ATXN7: variants seen among roughly 807,000 people sequenced by gnomAD.
ATXN7 encodes the protein ataxin-7.
A neutral mutation model predicts 70.5 loss-of-function variants in ATXN7; 12 were observed. The observed-to-expected ratio is 0.17, with a 90% CI of 0.11 to 0.28. The LOEUF (loss-of-function observed/expected upper bound fraction) is 0.28, where lower values mean the gene tolerates loss of function less well. Ranked by LOEUF, ATXN7 falls within the 10% of genes least tolerant of loss-of-function variation. The probability of loss-of-function intolerance (pLI) is 1.00; values close to 1 mark genes in which losing one functional copy is unlikely to be tolerated. For missense variants in ATXN7, 1,256 were observed against 1,131.7 expected, an observed-to-expected ratio of 1.11 and a Z score of -1.58; for synonymous variants, 498 against 448.7, an observed-to-expected ratio of 1.11 and a Z score of -1.39.
intron 5 of ATXN7, chr3:63,967,646 C>T (rs1007603444): frequency 3.5e-6 from 2 of 571,796 alleles, no homozygotes; most frequent in Non-Finnish European, 5.1e-6. Context: ...TTCCATCTTC[C>T]CCAGTTTTGA....
chr3:63,914,706 A>G (rs912237399), intron 4 of ATXN7, among the ~76,000 whole-genome samples: 4 of 152,206 alleles, frequency 2.6e-5, no homozygotes, highest in African/African-American at 7.2e-5. Context: ...GTAATTATCA[A>G]TAATTCTGCT....
chr3:63,931,670 A>G (rs3774712), intron 4 of ATXN7, among the ~76,000 whole-genome samples: 3,503 of 152,148 alleles, frequency 0.023, 116 homozygotes, highest in East Asian at 0.14. Context: ...GACTGTATTT[A>G]TTCTGTATTA....
At chr3:63,971,848 G>A (rs2075317173) in intron 5 of ATXN7, among the ~76,000 whole-genome samples, 1 of 152,206 alleles carries the variant, frequency 6.6e-6, no homozygotes, top group Admixed American at 6.5e-5. Context: ...ATATGGTTTA[G>A]TTGTGAATAA....
At chr3:63,871,377 A>G (rs1355983401) in intron 1 of ATXN7, among the ~76,000 whole-genome samples, 1 of 152,222 alleles carries the variant, frequency 6.6e-6, no homozygotes, top group African/African-American at 2.4e-5. Context: ...TTCTTGTTAA[A>G]AAAAGTAAAT....
intron 12 of ATXN7, 68 bp from the exon 13 acceptor site, chr3:63,999,378 GAATC>G (rs1007652645): frequency 1.9e-5 from 24 of 1,247,456 alleles, no homozygotes; most frequent in Non-Finnish European, 1.9e-5. Flanking sequence ...TTCTTGTTTA[GAATC>G]AATAGAGTGC....
At chr3:63,912,361 G>C (rs1209226086) in intron 2 of ATXN7, among the ~76,000 whole-genome samples, 1 of 151,474 alleles carries the variant, frequency 6.6e-6, no homozygotes, top group Non-Finnish European at 1.5e-5. Flanking sequence ...CCCCTCCCTC[G>C]GGCGGCCGCG....
intron 5 of ATXN7, among the ~76,000 whole-genome samples, chr3:63,969,578 T>G (rs1396423268): frequency 6.6e-6 from 1 of 152,198 alleles, no homozygotes; most frequent in Non-Finnish European, 1.5e-5. Context: ...TTGTAAAAAT[T>G]GGATTGGAGT....
chr3:63,948,500 A>G (rs1559642745), intron 4 of ATXN7, among the ~76,000 whole-genome samples: 1 of 152,116 alleles, frequency 6.6e-6, no homozygotes, highest in Non-Finnish European at 1.5e-5. Flanking sequence ...TGTGAGTGGC[A>G]TGTAGAAGTT....
At chr3:63,988,362 A>G in intron 9 of ATXN7, 38 bp downstream of exon 9, 1 of 1,611,694 alleles carries the variant, frequency 6.2e-7, no homozygotes, top group Non-Finnish European at 8.5e-7. Context: ...CCACCTTCAG[A>G]GATGAGACTT....
chr3:63,930,879 T>G (rs1244150839), intron 4 of ATXN7, among the ~76,000 whole-genome samples: 2 of 152,048 alleles, frequency 1.3e-5, no homozygotes, highest in Non-Finnish European at 2.9e-5. Flanking sequence ...TGCTTAAGAA[T>G]TTTTGCACCA....
At chr3:63,888,660 CA>C (rs1444396129) in intron 1 of ATXN7, among the ~76,000 whole-genome samples, 11 of 152,074 alleles carry the variant, frequency 7.2e-5, no homozygotes, top group Admixed American at 7.2e-4. Flanking sequence ...CCTATAATCC[CA>C]GTTACTCGGG....
chr3:63,999,602 T>G lies in ATXN7; in HGVS notation c.*135T>G. ...CCTGTGGGCCTCAAGGGTAGAAACC[T>G]GCCGGGCTGTTGTTTTAACGAGGAT... On this transcript the variant is annotated 3_prime_UTR_variant, in exon 13 of 13. Transcript: ENST00000674280. 1.3e-6 allele frequency: 2 copies of G among 1,484,320 alleles called. No individual in the cohort carries two copies. The highest frequency in any genetic ancestry group is 2.0e-5 in the Admixed American group (1 of 51,142). The allele number at this position is 1,484,320 out of a possible 1,614,324, so 91.9% of individuals were successfully genotyped here. A position where few individuals can be genotyped will look rare whatever the true frequency, so the allele number is the denominator to read the frequency against.
intron 4 of ATXN7, among the ~76,000 whole-genome samples, chr3:63,914,794 T>A (rs573902231): frequency 9.8e-5 from 15 of 152,346 alleles, no homozygotes; most frequent in Admixed American, 9.8e-4. Context: ...TTAAGGGGAC[T>A]GTACCTCATT....
intron 4 of ATXN7, among the ~76,000 whole-genome samples, chr3:63,931,767 A>G (rs572279170): frequency 3.4e-4 from 52 of 152,216 alleles, no homozygotes; most frequent in Admixed American, 1.3e-3. Context: ...GTTTACATTA[A>G]ATGCTGCTCT....
chr3:63,965,944 G>A (rs186590660), intron 5 of ATXN7, among the ~76,000 whole-genome samples: 2 of 152,082 alleles, frequency 1.3e-5, no homozygotes, highest in Admixed American at 6.5e-5. Context: ...GTTAAAATTC[G>A]TTTTTCTCTT....
chr3:63,898,934 A>G (rs1171081749), intron 2 of ATXN7, among the ~76,000 whole-genome samples: 1 of 152,212 alleles, frequency 6.6e-6, no homozygotes, highest in Non-Finnish European at 1.5e-5. Context: ...GCAAGACTGT[A>G]AAACAGGCAA....
chr3:63,991,067 G>A, intron 11 of ATXN7: 2 of 655,838 alleles, frequency 3.0e-6, no homozygotes, highest in Non-Finnish European at 5.0e-6. Context: ...ATTCAAAGCA[G>A]AAGGACTCCC....
Position 63,999,584 on chromosome 3 carries a change from G to C in ATXN7, c.*117G>C. On this transcript the variant is annotated 3_prime_UTR_variant, in exon 13 of 13. Transcript: ENST00000674280. ...AGTCTGTTTTCCCAACCTCCTGTGGGCCTCAAGGGTAGAAACCTGCCGGGC... is the reference window on the plus strand; with the variant it reads ...AGTCTGTTTTCCCAACCTCCTGTGGCCCTCAAGGGTAGAAACCTGCCGGGC... The C allele has an allele frequency of 1.3e-6, 2 of 1,550,182 alleles. No individual in the cohort carries two copies. Among genetic ancestry groups the C allele is most frequent in the South Asian group, 1.2e-5 (1 of 84,924 alleles).
chr3:63,973,063 A>G (rs566670671), intron 5 of ATXN7, among the ~76,000 whole-genome samples: 1 of 152,140 alleles, frequency 6.6e-6, no homozygotes, highest in Non-Finnish European at 1.5e-5. Context: ...CAGCCCTGCA[A>G]AGTAGGCTTG....
Sources: gnomAD v4.1 joint callset for allele counts (sites outside exome capture counted in the v4.1 genomes callset) on GRCh38, gnomAD v4.1.1 for gene constraint, MANE v1.5 for transcripts, NCBI Gene and HGNC (gene_info 2026-07-23, HGNC 2026-07-21) for gene names.